Variants in GABRB2 observed in about 807,000 individuals in gnomAD.
GABRB2 encodes gamma-aminobutyric acid type A receptor subunit beta2.
In GABRB2, 16 loss-of-function variants were observed where a neutral mutation model predicts 54.7. That is an observed-to-expected ratio of 0.29 (90% confidence interval 0.20 to 0.44). The LOEUF (loss-of-function observed/expected upper bound fraction) is 0.44. Among genes scored for constraint, GABRB2 ranks in the 20% least tolerant of loss-of-function variants. GABRB2 has a pLI of 1.00. For synonymous variants in GABRB2, 244 were observed against 233.8 expected (o/e 1.04, Z -0.40); for missense variants, 355 against 644.0 (o/e 0.55, Z 4.86).
intron 4 of GABRB2, among the ~76,000 whole-genome samples, chr5:161,419,935 C>CTGA (rs1178739936): frequency 6.6e-5 from 10 of 151,974 alleles, no homozygotes; most frequent in Non-Finnish European, 1.0e-4. Flanking sequence ...CATAAGAAAC[C>CTGA]TGATCATGTA....
At chr5:161,449,805 C>A (rs1331044525) in intron 4 of GABRB2, among the ~76,000 whole-genome samples, 1 of 151,680 alleles carries the variant, frequency 6.6e-6, no homozygotes. Context: ...CACACAATAG[C>A]AACAATTTTA....
chr5:161,472,137 C>A (rs1758458899), intron 3 of GABRB2, among the ~76,000 whole-genome samples: 1 of 151,832 alleles, frequency 6.6e-6, no homozygotes, highest in Admixed American at 6.6e-5. Context: ...ATTAAATCTA[C>A]AAATGTTTGT....
At chr5:161,318,068 A>T (rs1261892277) in intron 9 of GABRB2, among the ~76,000 whole-genome samples, 2 of 152,020 alleles carry the variant, frequency 1.3e-5, no homozygotes, top group Non-Finnish European at 2.9e-5. Flanking sequence ...ATTGGGATTC[A>T]GAGAGTTTTA....
chr5:161,421,032 C>A (rs1424998881), intron 4 of GABRB2, among the ~76,000 whole-genome samples: 1 of 152,142 alleles, frequency 6.6e-6, no homozygotes, highest in African/African-American at 2.4e-5. Flanking sequence ...ACTAAAGCAG[C>A]CCTCCTTCCC....
At chr5:161,397,598 G>A (rs948227836) in intron 5 of GABRB2, among the ~76,000 whole-genome samples, 3 of 152,132 alleles carry the variant, frequency 2.0e-5, no homozygotes, top group Non-Finnish European at 4.4e-5. Context: ...ACAAAGTGAG[G>A]AGCAGTAATT....
chr5:161,376,708 T>C (rs902650510), intron 5 of GABRB2, among the ~76,000 whole-genome samples: 8 of 152,122 alleles, frequency 5.3e-5, no homozygotes, highest in African/African-American at 1.9e-4. Context: ...CATTAACCAA[T>C]ACACTGAATG....
At chr5:161,415,872 C>A (rs1446502028) in intron 4 of GABRB2, among the ~76,000 whole-genome samples, 1 of 152,118 alleles carries the variant, frequency 6.6e-6, no homozygotes, top group African/African-American at 2.4e-5. Context: ...CCCAGCCTCC[C>A]AAAGTGCTAG....
chr5:161,544,282 G>C (rs546903890), intron 3 of GABRB2, among the ~76,000 whole-genome samples: 9 of 152,156 alleles, frequency 5.9e-5, no homozygotes, highest in Non-Finnish European at 1.5e-5. Flanking sequence ...AGGACTGAAA[G>C]TAACACTGGA....
chr5:161,289,274 C>T lies in GABRB2; in HGVS notation c.*4807G>A, dbSNP rs1393956138. 1 of 56,556 alleles carries T rather than the reference C, an allele frequency of 1.8e-5. No individual in the cohort carries two copies. The highest frequency in any genetic ancestry group is 1.4e-4 in the African/African-American group (1 of 6,914). The allele number at this position is 56,556 out of a possible 1,614,324, so 3.5% of individuals were successfully genotyped here. The stretch of plus-strand genomic sequence containing the variant: ...TGTACAGATTTCTTTAGGGCAGTAT[C>T]TTCATTAGCATTCTGTTCACTCCTT... On this transcript the variant is annotated 3_prime_UTR_variant, in exon 10 of 10. Transcript: ENST00000393959.
chr5:161,388,939 T>G (rs1423229577), intron 5 of GABRB2, among the ~76,000 whole-genome samples: 1 of 152,030 alleles, frequency 6.6e-6, no homozygotes, highest in Non-Finnish European at 1.5e-5. Flanking sequence ...TAATGAAATG[T>G]TAAAAATAAA....
chr5:161,461,502 G>T (rs1464856788), intron 3 of GABRB2, among the ~76,000 whole-genome samples: 1 of 151,994 alleles, frequency 6.6e-6, no homozygotes, highest in South Asian at 2.1e-4. Context: ...TAATCAGAAG[G>T]TTATTATGAA....
intron 5 of GABRB2, among the ~76,000 whole-genome samples, chr5:161,340,071 A>G (rs1754111597): frequency 6.6e-6 from 1 of 152,064 alleles, no homozygotes; most frequent in Non-Finnish European, 1.5e-5. Flanking sequence ...GTGGTCCTCC[A>G]GGTTTCTTTC....
At chr5:161,335,165 C>A (rs924094592) in intron 6 of GABRB2, among the ~76,000 whole-genome samples, 2 of 152,258 alleles carry the variant, frequency 1.3e-5, no homozygotes, top group Admixed American at 1.3e-4. Flanking sequence ...ATCAAACATA[C>A]CCCTCCTCTG....
chr5:161,527,512 C>T (rs1448388072), intron 3 of GABRB2, among the ~76,000 whole-genome samples: 4 of 151,222 alleles, frequency 2.6e-5, no homozygotes, highest in Admixed American at 2.6e-4. Context: ...AAATAAAAAC[C>T]TTCTGGACAA....
intron 9 of GABRB2, among the ~76,000 whole-genome samples, chr5:161,325,214 T>C (rs1758328021): frequency 6.6e-6 from 1 of 152,008 alleles, no homozygotes; most frequent in South Asian, 2.1e-4. Context: ...CAAGCGTAAC[T>C]AAAGTTAAAA....
chr5:161,428,901 A>G (rs1191590581), intron 4 of GABRB2, among the ~76,000 whole-genome samples: 1 of 152,218 alleles, frequency 6.6e-6, no homozygotes. Flanking sequence ...CTGAACATGG[A>G]TATAAAGACT....
chr5:161,452,692 A>T lies in GABRB2; in HGVS notation c.458+6932T>A, dbSNP rs534730203. Reference sequence around the variant, plus strand: ...TGCACTTATACCTCCTGAACCTAAAATTTTTTTTTTTTAATTGTAGGCCAA... The same window carrying T: ...TGCACTTATACCTCCTGAACCTAAATTTTTTTTTTTTTAATTGTAGGCCAA... On this transcript the variant is annotated intron_variant, in intron 4 of 9. Transcript: ENST00000393959. Among the ~76,000 whole-genome samples the T allele has an allele frequency of 2.1e-3, 308 of 148,268 alleles. 1 individual carries two copies. Among genetic ancestry groups the T allele is most frequent in the Non-Finnish European group, 1.4e-3 (94 of 66,754 alleles).
At chr5:161,326,334 T>TA (rs759671054) in intron 9 of GABRB2, 34 bp downstream of exon 9, 53 of 1,605,382 alleles carry the variant, frequency 3.3e-5, no homozygotes, top group Non-Finnish European at 2.2e-5. Context: ...CCAACAGAAA[T>TA]ACAAATAAAT....
rs1242405844 is a variant in GABRB2 at position 161,293,178 on chromosome 5, G to A, written c.*903C>T. 6.6e-6 allele frequency: 1 copy of A among 152,102 alleles called. No homozygotes were observed. The highest frequency in any genetic ancestry group is 6.6e-5 in the Admixed American group (1 of 15,264). The allele number at this position is 152,102 out of a possible 1,614,324, so 9.4% of individuals were successfully genotyped here. A position where few individuals can be genotyped will look rare whatever the true frequency, so the allele number is the denominator to read the frequency against. On this transcript the variant is annotated 3_prime_UTR_variant, in exon 10 of 10. Coordinates refer to ENST00000393959, the MANE Select transcript of GABRB2 (RefSeq NM_001371727.1). ...AAACTATAAAAACCTCTTTAGGTAT[G>A]CTGTCAAAAGCTAGTGATGTTGGAA...
Sources: gnomAD v4.1 joint callset for allele counts (sites outside exome capture counted in the v4.1 genomes callset) on GRCh38, gnomAD v4.1.1 for gene constraint, MANE v1.5 for transcripts, NCBI Gene and HGNC (gene_info 2026-07-23, HGNC 2026-07-21) for gene names.